MKI67: variants seen among roughly 807,000 people sequenced by gnomAD.
MKI67 encodes the protein proliferation marker protein Ki-67.
A neutral mutation model predicts 233.5 loss-of-function variants in MKI67; 152 were observed. The observed-to-expected ratio is 0.65, with a 90% CI of 0.57 to 0.74. The LOEUF is 0.74. Ranked by LOEUF, MKI67 falls within the 30% of genes least tolerant of loss-of-function variation. The probability of loss-of-function intolerance (pLI) is 0.00; values close to 1 mark genes in which losing one functional copy is unlikely to be tolerated. For synonymous variants in MKI67, 1,465 were observed against 1,418.5 expected, an observed-to-expected ratio of 1.03 and a Z score of -0.74; for missense variants, 3,940 against 3,885.2, an observed-to-expected ratio of 1.01 and a Z score of -0.37.
In MKI67 at chr10:128,104,645, T is replaced by G; in HGVS notation, c.7195A>C (p.Asn2399His). Residue 2399 changes from asparagine (N) to histidine (H), a missense_variant, in exon 13 of 15, where the codon AAT becomes CAT. Physicochemically the swap from Asn to His is moderately conservative, Grantham distance 68. Transcript: ENST00000368654. ...TPKPAVSDEK[N>H]INTFVETPVQ... ...GGAGTTTCCACAAATGTGTTGATAT[T>G]TTTCTCATCACTTACTGCTGGTTTT... The G allele has an allele frequency of 1.2e-6, 2 of 1,612,884 alleles. No homozygotes were observed. Among genetic ancestry groups the G allele is most frequent in the African/African-American group, 1.3e-5 (1 of 74,508 alleles).
rs367970617 is a variant in MKI67, at chr10:128,111,987, G to A, written c.2028C>T (p.Val676=). The change falls in exon 10 of 15, where the codon GTC becomes GTT. Residue 676 remains valine, a synonymous_variant. Transcript: ENST00000368654. Reference sequence around the variant, plus strand: ...TTGACCTTTGAGGACCATGTTTTATGACTTTAGTTTGTGTTTGTTTTGCAC... The same window carrying A: ...TTGACCTTTGAGGACCATGTTTTATAACTTTAGTTTGTGTTTGTTTTGCAC... ...KLGAKQTQTK[V]IKHGPQRSMN... is the part of the protein sequence containing the mutation. 2.4e-5 allele frequency: 38 copies of A among 1,613,556 alleles called. No homozygotes were observed. The highest frequency in any genetic ancestry group is 2.9e-5 in the Non-Finnish European group (34 of 1,179,920).
chr10:128,101,375 G>T lies in MKI67; in HGVS notation c.9588C>A (p.Asp3196Glu), dbSNP rs758356895. Residue 3196 changes from aspartate to glutamate, a missense_variant, in exon 14 of 15, where the codon GAC becomes GAA. Asp to Glu is a conservative substitution (Grantham distance 45, BLOSUM62 2). Coordinates refer to ENST00000368654, the MANE Select transcript of MKI67 (RefSeq NM_002417.5). Reference sequence around the variant, plus strand: ...TCTTTCTTGATCTCAGGCACATGGAGTCTGAATTTCCTGCTTCTCCTTTCC... The same window carrying T: ...TCTTTCTTGATCTCAGGCACATGGATTCTGAATTTCCTGCTTCTCCTTTCC... ...QKGKGEAGNS[D>E]SMCLRSRKTK... The T allele has an allele frequency of 6.2e-7, 1 of 1,614,198 alleles. No individual in the cohort carries two copies. Among genetic ancestry groups the T allele is most frequent in the South Asian group, 1.1e-5 (1 of 91,088 alleles).
chr10:128,125,720 G>A lies in MKI67; in HGVS notation c.-53C>T. 1.4e-6 allele frequency: 2 copies of A among 1,467,202 alleles called. No homozygotes were observed. Among genetic ancestry groups the A allele is most frequent in the East Asian group, 2.3e-5 (1 of 44,186 alleles). 90.9% of individuals were successfully genotyped at this position (1,467,202 alleles called of 1,614,324 possible). On this transcript the variant is annotated 5_prime_UTR_variant, in exon 2 of 15. The change creates a new upstream start codon in the 5' untranslated region. Transcript: ENST00000368654. This position sits in a 1 kb window ranked among gnomAD's most constrained non-coding sequence, Gnocchi z 5.3. Reference sequence around the variant, plus strand: ...CGTAGGGGAAGGCCAGGTATAATCCGTAGGGGAAGGCCAGAAGCAAATTTA... The same window carrying A: ...CGTAGGGGAAGGCCAGGTATAATCCATAGGGGAAGGCCAGAAGCAAATTTA...
At chr10:128,123,226 C>T in intron 2 of MKI67, 57 bp from the exon 3 acceptor site, 1 of 1,169,954 alleles carries the variant, frequency 8.5e-7, no homozygotes, top group Non-Finnish European at 1.3e-6. Context: ...AAGATTACCT[C>T]AATTTCCCAA....
chr10:128,103,812 C>T lies in MKI67; in HGVS notation c.8028G>A (p.Leu2676=), dbSNP rs1852404250. 3.1e-6 allele frequency: 5 copies of T among 1,612,324 alleles called. No homozygotes were observed. The East Asian group carries it at 6.7e-5, about 22-fold the overall frequency. The change falls in exon 13 of 15, where the codon CTG becomes CTA. Residue 2676 remains leucine, a synonymous_variant. Transcript: ENST00000368654. ...GCTCTGTGAAGCCGGCCAGGTCTTC[C>T]AGGGGTTGGGCCTTTTCCTTAGGTG... ...PRAPKEKAQP[L]EDLAGFTELS... is the part of the protein sequence containing the mutation.
intron 14 of MKI67, 81 bp downstream of exon 14, chr10:128,101,177 T>C: frequency 7.4e-7 from 1 of 1,352,794 alleles, no homozygotes; most frequent in Non-Finnish European, 1.0e-6. Flanking sequence ...TAATGCTTTT[T>C]GTTTGCCTTT....
chr10:128,106,826 T>C lies in MKI67; in HGVS notation c.5014A>G (p.Ser1672Gly). Residue 1672 changes from serine (S) to glycine (G), a missense_variant, in exon 13 of 15, where the codon AGC (serine) becomes GGC (glycine). Physicochemically the swap from Ser to Gly is moderately conservative, Grantham distance 56. Transcript: ENST00000368654. ...GGAGACTCCATAAATGCTTTCATGC[T>C]CTTACCATCTCCTGTTGGCTCTGTG... ...THTEPTGDGKSMKAFMESPKQ... is the reference protein window; with the variant it reads ...THTEPTGDGKGMKAFMESPKQ... 1 of 1,614,186 alleles carries C rather than the reference T, an allele frequency of 6.2e-7. No homozygotes were observed. Among genetic ancestry groups the C allele is most frequent in the African/African-American group, 1.3e-5 (1 of 75,038 alleles).
At chr10:128,113,062 A>C (rs1852716340) in intron 8 of MKI67, among the ~76,000 whole-genome samples, 1 of 152,218 alleles carries the variant, frequency 6.6e-6, no homozygotes, top group Non-Finnish European at 1.5e-5. Flanking sequence ...CTCTAAAAGA[A>C]AATAAAACAA....
At chr10:128,114,803 C>T (rs1852761796) in intron 7 of MKI67, 125 bp downstream of exon 7, 4 of 948,168 alleles carry the variant, frequency 4.2e-6, no homozygotes, top group Non-Finnish European at 6.3e-6. Flanking sequence ...CTGTCTTATC[C>T]CTGTGCCTTA....
rs1311687273 is a variant in MKI67, at chr10:128,097,449, A to G, written c.*1741T>C. On this transcript the variant is annotated 3_prime_UTR_variant, in exon 15 of 15. Transcript: ENST00000368654. ...TACCAGGGTGAGAAAAGGTGCTGAC[A>G]TACTTCAGCAAGATTTCTGGTTAGA... 6.6e-6 allele frequency: 1 copy of G among 152,172 alleles called. No individual in the cohort carries two copies. The highest frequency in any genetic ancestry group is 6.5e-5 in the Admixed American group (1 of 15,284). The allele number at this position is 152,172 out of a possible 1,614,324, so 9.4% of individuals were successfully genotyped here. A position where few individuals can be genotyped will look rare whatever the true frequency, so the allele number is the denominator to read the frequency against.
Position 128,102,930 on chromosome 10 carries a change from G to A in MKI67, c.8910C>T (p.Pro2970=), listed in dbSNP as rs371689181. 4.2e-5 allele frequency: 67 copies of A among 1,614,068 alleles called. No homozygotes were observed. The highest frequency in any genetic ancestry group is 3.2e-4 in the Admixed American group (19 of 60,004). ...CTCTGGTGCTTACCACGTCTCCCAC[G>A]GGTTCTACTTTAGGGGCCCGAAGAA... ...RRVLRAPKVE[P]VGDVVSTRDP... The change falls in exon 13 of 15, where the codon CCC becomes CCT. Residue 2970 remains proline (P), a synonymous_variant. Transcript: ENST00000368654.
At position 128,106,609 on chromosome 10, in the gene MKI67, A is replaced by C; in HGVS notation, c.5231T>G (p.Leu1744Arg). The C allele has an allele frequency of 6.2e-7, 1 of 1,613,600 alleles. No homozygotes were observed. Among genetic ancestry groups the C allele is most frequent in the Non-Finnish European group, 8.5e-7 (1 of 1,179,860 alleles). Residue 1744 changes from leucine to arginine, a missense_variant, in exon 13 of 15, where the codon CTA becomes CGA. Coordinates refer to ENST00000368654, the MANE Select transcript of MKI67 (RefSeq NM_002417.5). The stretch of plus-strand genomic sequence containing the variant: ...CTTGGAGCTTGTTGGGGTGTCCACT[A>C]GGTCTGGCTGTGAAGCTCTGTAGGA... Reference protein sequence around the residue: ...KVSYRASQPDLVDTPTSSKPQ... With the variant: ...KVSYRASQPDRVDTPTSSKPQ...
chr10:128,103,674 C>A lies in MKI67; in HGVS notation c.8166G>T (p.Arg2722Ser), dbSNP rs764951105. 6.2e-7 allele frequency: 1 copy of A among 1,614,110 alleles called. No homozygotes were observed. The highest frequency in any genetic ancestry group is 1.1e-5 in the South Asian group (1 of 91,076). ...EVVDTTASTK[R>S]HLRTRVQKVQ... The stretch of plus-strand genomic sequence containing the variant: ...CCTTCTGCACACGTGTCCTGAGATG[C>A]CTCTTTGTGCTTGCTGTGGTGTCTA... The change falls in exon 13 of 15, where the codon AGG (arginine) becomes AGT (serine). Residue 2722 changes from arginine to serine, a missense_variant. Physicochemically the swap from Arg to Ser is moderately radical, Grantham distance 110. Transcript: ENST00000368654.
At chr10:128,124,099 G>A (rs879868624) in intron 2 of MKI67, among the ~76,000 whole-genome samples, 2 of 152,200 alleles carry the variant, frequency 1.3e-5, no homozygotes, top group Non-Finnish European at 2.9e-5. Flanking sequence ...AATCTTGCAT[G>A]AAGATATATT....
rs1189561652 is a variant in MKI67 at position 128,104,052 on chromosome 10, A to G, written c.7788T>C (p.Thr2596=). The change falls in exon 13 of 15, where the codon ACT becomes ACC. Residue 2596 remains threonine (T), a synonymous_variant. Transcript: ENST00000368654. ...TGGGGCATCTCTTTGTGCTCGTGGC[A>G]GTGTCTGTTAGTTCTGGTGGGGGAG... ...CKSPPPELTD[T]ATSTKRCPKT... is the part of the protein sequence containing the mutation. The G allele has an allele frequency of 6.2e-7, 1 of 1,613,438 alleles. No individual in the cohort carries two copies. The highest frequency in any genetic ancestry group is 1.7e-5 in the Admixed American group (1 of 59,968).
chr10:128,118,397 GA>G (rs572037256), intron 5 of MKI67, among the ~76,000 whole-genome samples: 5,805 of 56,100 alleles, frequency 0.1, 123 homozygotes, highest in African/African-American at 0.12. Context: ...CTCCGTCTCA[GA>G]AAAAAAAAAA....
intron 2 of MKI67, 112 bp from the exon 3 acceptor site, chr10:128,123,281 A>T: frequency 1.3e-6 from 1 of 756,324 alleles, no homozygotes; most frequent in Non-Finnish European, 2.3e-6. Flanking sequence ...TAAATATGAC[A>T]TAAAGGAGTA....
intron 4 of MKI67, among the ~76,000 whole-genome samples, chr10:128,122,164 A>G (rs968253318): frequency 1.3e-5 from 2 of 152,142 alleles, no homozygotes; most frequent in Admixed American, 1.3e-4. Context: ...GCCTTGAAAA[A>G]CAGACATGCC....
At chr10:128,118,692 G>A (rs924286562) in intron 5 of MKI67, among the ~76,000 whole-genome samples, 5 of 152,096 alleles carry the variant, frequency 3.3e-5, no homozygotes, top group Non-Finnish European at 7.3e-5. Context: ...AGCACGTGTC[G>A]ACAATTATGT....
Sources: allele counts gnomAD v4.1 joint callset (sites outside exome capture counted in the v4.1 genomes callset), GRCh38; gene constraint gnomAD v4.1.1; non-coding constraint Gnocchi (gnomAD v3.1); transcripts MANE v1.5; gene names NCBI Gene and HGNC (gene_info 2026-07-23, HGNC 2026-07-21).